The following TRIM67 variants were observed in gnomAD, a reference collection of about 807,000 sequenced individuals.
TRIM67 encodes the protein tripartite motif-containing protein 67.
Under a neutral mutation model 71.0 loss-of-function variants are expected in TRIM67, and 39 were observed. The observed-to-expected ratio is 0.55, with a 90% confidence interval of 0.43 to 0.72. The LOEUF (loss-of-function observed/expected upper bound fraction) is 0.72, where lower values mean the gene tolerates loss of function less well. Among genes scored for constraint, TRIM67 ranks in the 30% least tolerant of loss-of-function variants. The pLI, the probability that TRIM67 is intolerant of heterozygous loss-of-function variation, is 0.00. For missense variants in TRIM67, 973 were observed against 1,079.2 expected, an observed-to-expected ratio of 0.90 and a Z score of 1.38; for synonymous variants, 481 against 473.9, an observed-to-expected ratio of 1.01 and a Z score of -0.19.
chr1:231,170,318 A>G (rs937716970), intron 1 of TRIM67, among the ~76,000 whole-genome samples: 1 of 152,078 alleles, frequency 6.6e-6, no homozygotes, highest in Non-Finnish European at 1.5e-5. Flanking sequence ...TCCTTGTCAC[A>G]CACATCTAGG....
intron 1 of TRIM67, among the ~76,000 whole-genome samples, chr1:231,174,152 C>CTTTTTTTTTTTTTTTTT (rs35651112): frequency 1.6e-5 from 2 of 127,354 alleles, no homozygotes; most frequent in South Asian, 2.5e-4. Context: ...GTCTTATTTT[C>CTTTTTTTTTTTTTTTTT]TTTTTTTTTT....
Position 231,190,210 on chromosome 1 carries a change from C to T in TRIM67, c.1045-7161C>T, listed in dbSNP as rs181182759. ...CAGCCCTAGATGAAGGCAGTGGTGG[C>T]GCCTTCAAAGAGATCTAGTCTGTGT... On this transcript the variant is annotated intron_variant, in intron 1 of 9. Coordinates refer to ENST00000366653, the MANE Select transcript of TRIM67 (RefSeq NM_001004342.5). Among the ~76,000 whole-genome samples, 26 of 152,236 alleles carry T rather than the reference C, an allele frequency of 1.7e-4. No homozygotes were observed. In the East Asian group the frequency reaches 3.7e-3, roughly 22 times the overall value.
At chr1:231,206,847 AC>A (rs1683716632) in intron 7 of TRIM67, 57 bp downstream of exon 7, 2 of 1,477,368 alleles carry the variant, frequency 1.4e-6, no homozygotes, top group Non-Finnish European at 1.8e-6. Context: ...TCCAGTGACA[AC>A]CAGACAGCCA....
rs946166502 is a variant in TRIM67 at position 231,215,867 on chromosome 1, G to A, written c.*427G>A. The A allele has an allele frequency of 8.6e-5, 86 of 999,936 alleles. No individual in the cohort carries two copies. The highest frequency in any genetic ancestry group is 5.0e-4 in the Middle Eastern group (1 of 1,986). The allele number at this position is 999,936 out of a possible 1,614,324, so 61.9% of individuals were successfully genotyped here. The stretch of plus-strand genomic sequence containing the variant: ...TGCGCTGTAATCCCACGCCCCGGGT[G>A]TTGGCCCTCCGTGGGGACCTTGCCT... On this transcript the variant is annotated 3_prime_UTR_variant, in exon 10 of 10. Coordinates refer to ENST00000366653, the MANE Select transcript of TRIM67 (RefSeq NM_001004342.5).
chr1:231,189,340 A>G (rs1044991705), intron 1 of TRIM67, among the ~76,000 whole-genome samples: 22 of 152,194 alleles, frequency 1.4e-4, no homozygotes, highest in African/African-American at 5.1e-4. Context: ...GTTACCTTAC[A>G]TGGCGAAAGA....
chr1:231,202,071 G>GAGGAGGAGGGGGTGGAAA (rs1553327047), intron 5 of TRIM67, among the ~76,000 whole-genome samples: 5 of 123,154 alleles, frequency 4.1e-5, no homozygotes, highest in African/African-American at 7.6e-5. Context: ...GGAGATGGAG[G>GAGGAGGAGGGGGTGGAAA]AGGAGGAGGT....
intron 1 of TRIM67, among the ~76,000 whole-genome samples, chr1:231,192,905 G>A (rs746505515): frequency 3.9e-5 from 6 of 152,256 alleles, no homozygotes; most frequent in African/African-American, 7.2e-5. Flanking sequence ...ATTAGCCTGC[G>A]GTCACGGGTC....
rs1231446610 is a variant in TRIM67 at position 231,211,030 on chromosome 1, A to AT, written c.2123+1780_2123+1781insT. 9.9e-3 allele frequency among the ~76,000 whole-genome samples: 1,223 copies of AT among 123,480 alleles called. 6 individuals carry two copies. Among genetic ancestry groups the AT allele is most frequent in the Middle Eastern group, 0.022 (5 of 226 alleles). 81.0% of individuals were successfully genotyped at this position (123,480 alleles called of 152,430 possible). The stretch of plus-strand genomic sequence containing the variant: ...GACCCTCCTCTCTACCAAAAAAAAA[A>AT]AATATATATATATATATATATTTTG... On this transcript the variant is annotated intron_variant, in intron 8 of 9. Transcript: ENST00000366653.
rs953337437 is a variant in TRIM67, at chr1:231,220,619, GTCA to G, written c.*5184_*5186del. The G allele has an allele frequency of 6.6e-6, 1 of 152,298 alleles. No homozygotes were observed. The highest frequency in any genetic ancestry group is 6.5e-5 in the Admixed American group (1 of 15,286). The allele number at this position is 152,298 out of a possible 1,614,324, so 9.4% of individuals were successfully genotyped here. A position where few individuals can be genotyped will look rare whatever the true frequency, so the allele number is the denominator to read the frequency against. On this transcript the variant is annotated 3_prime_UTR_variant, in exon 10 of 10. Coordinates refer to ENST00000366653, the MANE Select transcript of TRIM67 (RefSeq NM_001004342.5). ...TTTTGAAGGCTGGTTGGGCTAGTGG[GTCA>G]TCATGTCACTTTCAGATGACTGATA...
At position 231,163,592 on chromosome 1, in the gene TRIM67, G is replaced by A; in HGVS notation, c.623G>A (p.Cys208Tyr). The change falls in exon 1 of 10, where the codon TGC (cysteine) becomes TAC (tyrosine). Residue 208 changes from cysteine (C) to tyrosine (Y), a missense_variant. This residue lies in a region of TRIM67 where 795 missense variants were observed against 831.3 expected (regional missense o/e 0.96). Transcript: ENST00000366653. ...TCTGCAGCCGCGGCGGTGGCCATCT[G>A]CCAGCTGTGCGACCGCACCCCGCCA... ...GTSAAAAVAI[C>Y]QLCDRTPPEP... The A allele has an allele frequency of 6.6e-7, 1 of 1,516,656 alleles. No homozygotes were observed. 93.9% of individuals were successfully genotyped at this position (1,516,656 alleles called of 1,614,324 possible).
chr1:231,185,141 T>C (rs768129171), intron 1 of TRIM67: 7 of 1,532,850 alleles, frequency 4.6e-6, no homozygotes, highest in Non-Finnish European at 6.1e-6. Context: ...CAATGGGAAG[T>C]GTGTGTTGTC....
chr1:231,164,801 G>C (rs1156978719), intron 1 of TRIM67, among the ~76,000 whole-genome samples: 2 of 152,146 alleles, frequency 1.3e-5, no homozygotes, highest in Non-Finnish European at 2.9e-5. Context: ...AAGCAAAAAG[G>C]TGAGCACAGA....
intron 6 of TRIM67, among the ~76,000 whole-genome samples, 159 bp downstream of exon 6, chr1:231,204,171 G>A (rs923967896): frequency 6.6e-6 from 1 of 152,232 alleles, no homozygotes; most frequent in African/African-American, 2.4e-5. Flanking sequence ...CGGAGATGGG[G>A]CTTCCCTCCC....
rs150275997 is a variant in TRIM67, at chr1:231,180,651, G to A, written c.1044+16638G>A. ...AATCAAGGGAAGGAAGAAAAAAGTC[G>A]CATGTGTTAATATGTTATTTATTTT... On this transcript the variant is annotated intron_variant, in intron 1 of 9. Transcript: ENST00000366653. Among the ~76,000 whole-genome samples the A allele has an allele frequency of 2.1e-4, 32 of 152,270 alleles. No homozygotes were observed. The East Asian group carries it at 4.3e-3, about 20-fold the overall frequency.
At chr1:231,195,269 T>C (rs936316435) in intron 1 of TRIM67, among the ~76,000 whole-genome samples, 4 of 152,220 alleles carry the variant, frequency 2.6e-5, no homozygotes, top group African/African-American at 9.7e-5. Context: ...TAATCACACA[T>C]GGCAGTTGCA....
In TRIM67 at chr1:231,213,896, C is replaced by T. The variant is rs199830147; in HGVS notation, c.2205C>T (p.Asn735=). 3.8e-4 allele frequency: 616 copies of T among 1,613,744 alleles called. 3 individuals are homozygous for T. Among genetic ancestry groups the T allele is most frequent in the African/African-American group, 1.2e-3 (89 of 75,034 alleles). ...LNKHTLTFFI[N]GQQQGPTAFS... is the part of the protein sequence containing the mutation. Reference sequence around the variant, plus strand: ...AGCACACTCTCACCTTCTTCATCAACGGGCAGCAGCAGGGCCCCACAGCCT... The same window carrying T: ...AGCACACTCTCACCTTCTTCATCAATGGGCAGCAGCAGGGCCCCACAGCCT... Residue 735 remains asparagine, a synonymous_variant, in exon 9 of 10, where the codon AAC becomes AAT. Transcript: ENST00000366653.
At chr1:231,185,558 G>A (rs1360338858) in intron 1 of TRIM67, among the ~76,000 whole-genome samples, 1 of 151,756 alleles carries the variant, frequency 6.6e-6, no homozygotes, top group Non-Finnish European at 1.5e-5. Context: ...GATGCCTTGG[G>A]CTGCAGCACT....
intron 1 of TRIM67, among the ~76,000 whole-genome samples, chr1:231,183,750 T>G (rs1179927395): frequency 6.6e-6 from 1 of 152,134 alleles, no homozygotes; most frequent in Non-Finnish European, 1.5e-5. Flanking sequence ...CAGGTGCATT[T>G]TACAGTTATT....
At chr1:231,179,118 C>T (rs1682833253) in intron 1 of TRIM67, among the ~76,000 whole-genome samples, 1 of 152,228 alleles carries the variant, frequency 6.6e-6, no homozygotes, top group African/African-American at 2.4e-5. Context: ...TCTTGTCTCA[C>T]AGTTCTGGAG....
Sources: allele counts gnomAD v4.1 joint callset (sites outside exome capture counted in the v4.1 genomes callset), GRCh38; gene constraint gnomAD v4.1.1; regional missense constraint gnomAD v4.1.1; transcripts MANE v1.5; gene names NCBI Gene and HGNC (gene_info 2026-07-23, HGNC 2026-07-21).